Variants in NTRK3 observed in about 807,000 individuals in gnomAD.
NTRK3 encodes neurotrophic receptor tyrosine kinase 3.
A neutral mutation model predicts 91.7 loss-of-function variants in NTRK3; 24 were observed. The observed-to-expected ratio is 0.26, with a 90% CI of 0.19 to 0.37. The LOEUF (loss-of-function observed/expected upper bound fraction) is 0.37, where lower values mean the gene tolerates loss of function less well. Ranked by LOEUF, NTRK3 falls within the 10% of genes least tolerant of loss-of-function variation. NTRK3 has a pLI of 1.00. For synonymous variants in NTRK3, 483 were observed against 404.0 expected (o/e 1.20, Z -2.34); for missense variants, 880 against 1,068.9 (o/e 0.82, Z 2.46).
chr15:88,185,172 A>G (rs547407840), intron 3 of NTRK3, among the ~76,000 whole-genome samples: 1 of 152,364 alleles, frequency 6.6e-6, no homozygotes, highest in Admixed American at 6.5e-5. Context: ...GTTTATATCT[A>G]GCAAGCACAC....
intron 13 of NTRK3, among the ~76,000 whole-genome samples, chr15:88,045,720 G>T (rs1480273392): frequency 6.6e-6 from 1 of 152,228 alleles, no homozygotes; most frequent in East Asian, 1.9e-4. Flanking sequence ...CCTCCACCAA[G>T]CTTCTGTTGG....
intron 17 of NTRK3, among the ~76,000 whole-genome samples, chr15:87,895,446 G>T (rs889724312): frequency 6.6e-6 from 1 of 152,126 alleles, no homozygotes; most frequent in Admixed American, 6.5e-5. Flanking sequence ...CATCACATGG[G>T]TTTTATTTAA....
intron 3 of NTRK3, among the ~76,000 whole-genome samples, chr15:88,191,836 C>T (rs758654375): frequency 5.9e-5 from 9 of 152,256 alleles, no homozygotes; most frequent in Non-Finnish European, 1.2e-4. Flanking sequence ...CATGGGATCA[C>T]GCTAGCCAAG....
intron 14 of NTRK3, among the ~76,000 whole-genome samples, chr15:87,969,814 T>C (rs1270008921): frequency 6.6e-6 from 1 of 152,146 alleles, no homozygotes; most frequent in Non-Finnish European, 1.5e-5. Context: ...TCAGAAAATC[T>C]TGCCGAGAAC....
rs879687064 is a variant in NTRK3 at position 88,143,060 on chromosome 15, C to CA, written c.464+4274dup. Among the ~76,000 whole-genome samples, 1,334 of 139,836 alleles carry CA rather than the reference C, an allele frequency of 9.5e-3. 50 individuals are homozygous for CA. The East Asian group carries it at 0.14, about 15-fold the overall frequency. The allele number at this position is 139,836 out of a possible 152,430, so 91.7% of individuals were successfully genotyped here. ...TGAAACCCCATCTCTACTAAAAATA[C>CA]AAAAAAAAAAAAATTAACTGGGCAT... is the stretch of plus-strand genomic sequence containing the variant. On this transcript the variant is annotated intron_variant, in intron 6 of 18. Coordinates refer to ENST00000394480, the Ensembl canonical transcript of NTRK3.
chr15:87,865,809 C>T (rs2064656067), exon 19 of NTRK3: 1 of 228,238 alleles, frequency 4.4e-6, no homozygotes, highest in East Asian at 6.2e-5. Flanking sequence ...GTGACTAAGC[C>T]AAATAGATAA....
intron 3 of NTRK3, among the ~76,000 whole-genome samples, chr15:88,209,229 G>T (rs997249014): frequency 1.3e-5 from 2 of 152,188 alleles, no homozygotes; most frequent in African/African-American, 4.8e-5. Context: ...AGAAGCAGCT[G>T]CCCCAAACCT....
intron 13 of NTRK3, among the ~76,000 whole-genome samples, chr15:88,090,481 A>C (rs1434580776): frequency 3.3e-5 from 5 of 152,186 alleles, no homozygotes; most frequent in Non-Finnish European, 7.3e-5. Context: ...ATATACAAAA[A>C]GGAGAAAGAG....
chr15:87,937,241 C>T (rs1348641389), intron 15 of NTRK3, among the ~76,000 whole-genome samples: 2 of 152,168 alleles, frequency 1.3e-5, no homozygotes, highest in African/African-American at 4.8e-5. Flanking sequence ...TGTTCCCAAA[C>T]TCATTCATGA....
At chr15:88,206,261 C>A (rs1330823436) in intron 3 of NTRK3, among the ~76,000 whole-genome samples, 1 of 150,366 alleles carries the variant, frequency 6.7e-6, no homozygotes, top group African/African-American at 2.4e-5. Context: ...AGGAGAATAG[C>A]GCGAACCCCG....
Position 88,043,667 on chromosome 15 carries a change from G to A in NTRK3, c.1397-10622C>T, listed in dbSNP as rs144231864. Among the ~76,000 whole-genome samples, 21 of 152,290 alleles carry A rather than the reference G, an allele frequency of 1.4e-4. No homozygotes were observed. The East Asian group carries it at 2.3e-3, about 17-fold the overall frequency. On this transcript the variant is annotated intron_variant, in intron 13 of 18. Coordinates refer to ENST00000394480, the Ensembl canonical transcript of NTRK3. The stretch of plus-strand genomic sequence containing the variant: ...TAAGCCCAAATGCCTCTGACTTTAC[G>A]GAGGTCACAAGAGGGAAATCTAATA...
chr15:88,099,978 A>G (rs566486495), intron 13 of NTRK3, among the ~76,000 whole-genome samples: 3 of 152,274 alleles, frequency 2.0e-5, no homozygotes, highest in African/African-American at 7.2e-5. Context: ...CTCTACGGTT[A>G]AAAGTTAACT....
intron 14 of NTRK3, among the ~76,000 whole-genome samples, chr15:87,961,790 C>G (rs1034700319): frequency 3.3e-5 from 5 of 152,246 alleles, no homozygotes; most frequent in Non-Finnish European, 5.9e-5. Context: ...TAGCCATTAA[C>G]CCCTGATTCA....
chr15:87,970,602 A>G (rs1251796406), intron 14 of NTRK3, among the ~76,000 whole-genome samples: 2 of 152,218 alleles, frequency 1.3e-5, no homozygotes, highest in Non-Finnish European at 2.9e-5. Context: ...AAGAGGTAGA[A>G]TAAGGTTTGT....
intron 5 of NTRK3, among the ~76,000 whole-genome samples, chr15:88,180,093 GCTCA>G (rs1210983796): frequency 1.1e-4 from 16 of 152,200 alleles, no homozygotes; most frequent in Admixed American, 3.3e-4. Flanking sequence ...CTCTCTGAAC[GCTCA>G]CTATTTCCTG....
intron 8 of NTRK3, 91 bp from the exon 9 acceptor site, chr15:88,136,131 G>T (rs556389567): frequency 5.3e-6 from 8 of 1,516,908 alleles, no homozygotes; most frequent in Non-Finnish European, 7.3e-6. Context: ...GAATCAAAAG[G>T]AAAGCTGAGC....
At chr15:88,213,176 G>A (rs1165389956) in intron 3 of NTRK3, among the ~76,000 whole-genome samples, 1 of 152,146 alleles carries the variant, frequency 6.6e-6, no homozygotes, top group Non-Finnish European at 1.5e-5. Context: ...CTCACTTCCT[G>A]TCATCCTTAG....
intron 14 of NTRK3, among the ~76,000 whole-genome samples, chr15:87,941,830 T>C (rs2069893600): frequency 6.6e-6 from 1 of 152,186 alleles, no homozygotes; most frequent in African/African-American, 2.4e-5. Flanking sequence ...GTACAAGCAG[T>C]GGGCTGGCGA....
intron 5 of NTRK3, among the ~76,000 whole-genome samples, chr15:88,174,568 A>G (rs1000562432): frequency 6.6e-6 from 1 of 152,134 alleles, no homozygotes; most frequent in African/African-American, 2.4e-5. Context: ...TTCCCTTGGC[A>G]ATTTTTTCAG....
Sources: gnomAD v4.1 joint callset for allele counts (sites outside exome capture counted in the v4.1 genomes callset) on GRCh38, gnomAD v4.1.1 for gene constraint, MANE v1.5 for transcripts, NCBI Gene and HGNC (gene_info 2026-07-23, HGNC 2026-07-21) for gene names.